Variants in NPAS3 observed in about 807,000 individuals in gnomAD.
NPAS3 encodes the protein neuronal PAS domain-containing protein 3.
NPAS3 carries 14 observed loss-of-function variants against 73.1 expected under a neutral mutation model. The observed-to-expected ratio is 0.19, with a 90% CI of 0.13 to 0.30. The LOEUF (loss-of-function observed/expected upper bound fraction) is 0.30. Among genes scored for constraint, NPAS3 ranks in the 10% least tolerant of loss-of-function variants. The pLI is 1.00. For missense variants in NPAS3, 1,096 were observed against 1,250.0 expected (o/e 0.88, Z 1.86); for synonymous variants, 620 against 541.5 (o/e 1.14, Z -2.01).
intron 4 of NPAS3, among the ~76,000 whole-genome samples, chr14:33,383,150 C>G (rs1315659): frequency 1 from 150,571 of 151,198 alleles, 74,981 homozygotes; most frequent in Middle Eastern, 1. Flanking sequence ...CCCATGTGTG[C>G]TTTTTTGTGA....
chr14:32,995,593 G>A (rs1046503722), intron 1 of NPAS3, among the ~76,000 whole-genome samples: 11 of 152,306 alleles, frequency 7.2e-5, no homozygotes, highest in African/African-American at 2.6e-4. Context: ...AAACATGGGG[G>A]CAGGTCTTTG....
intron 3 of NPAS3, among the ~76,000 whole-genome samples, chr14:33,318,348 G>A (rs1026571253): frequency 6.6e-6 from 1 of 152,068 alleles, no homozygotes; most frequent in Non-Finnish European, 1.5e-5. Flanking sequence ...AGGGTAGCGA[G>A]GAATGGGGAA....
At chr14:33,737,624 T>G (rs2061555409) in intron 7 of NPAS3, among the ~76,000 whole-genome samples, 1 of 152,158 alleles carries the variant, frequency 6.6e-6, no homozygotes, top group Non-Finnish European at 1.5e-5. Context: ...CAGATCCAGC[T>G]CTTCCTCTCC....
chr14:33,344,927 G>GC (rs1231479998), intron 3 of NPAS3, among the ~76,000 whole-genome samples: 1 of 152,110 alleles, frequency 6.6e-6, no homozygotes, highest in Non-Finnish European at 1.5e-5. Flanking sequence ...ATGTCACCCT[G>GC]CCTCCCATTC....
At position 33,147,523 on chromosome 14, in the gene NPAS3, G is replaced by GTT. The variant is rs571681557; in HGVS notation, c.141-67657_141-67656dup. Among the ~76,000 whole-genome samples, 9 of 151,100 alleles carry GTT rather than the reference G, an allele frequency of 6.0e-5. No homozygotes were observed. The South Asian group carries it at 1.9e-3, about 32-fold the overall frequency. On this transcript the variant is annotated intron_variant, in intron 2 of 11. Coordinates refer to ENST00000356141, the Ensembl canonical transcript of NPAS3. ...TCTTATGTTTAGTTAAGATCAAGAA[G>GTT]TTTGGATTAGTGCCGCACTTGGACA...
chr14:33,149,859 A>G (rs545563404), intron 2 of NPAS3, among the ~76,000 whole-genome samples: 18 of 152,146 alleles, frequency 1.2e-4, no homozygotes, highest in Non-Finnish European at 2.4e-4. Flanking sequence ...ATAGGTATAC[A>G]CATGCCATGG....
chr14:33,529,472 G>T (rs1293539573), intron 4 of NPAS3, among the ~76,000 whole-genome samples: 7 of 151,984 alleles, frequency 4.6e-5, no homozygotes, highest in African/African-American at 1.7e-4. Context: ...CATTAAGTAG[G>T]GCAGACTGAA....
At chr14:33,139,484 G>C (rs368081846) in intron 2 of NPAS3, among the ~76,000 whole-genome samples, 1 of 152,152 alleles carries the variant, frequency 6.6e-6, no homozygotes, top group Admixed American at 6.5e-5. Context: ...GAGTGTATTG[G>C]TGGTTGGGTG....
chr14:33,608,727 T>G (rs763870486), intron 5 of NPAS3: 1 of 152,194 alleles, frequency 6.6e-6, no homozygotes, highest in Non-Finnish European at 1.5e-5. Flanking sequence ...GTTGGACAGA[T>G]TATTTCATCA....
chr14:33,442,453 G>A (rs1404367839), intron 4 of NPAS3, among the ~76,000 whole-genome samples: 1 of 152,088 alleles, frequency 6.6e-6, no homozygotes, highest in Non-Finnish European at 1.5e-5. Flanking sequence ...TAAGCCAGGT[G>A]ATACGGTTTG....
intron 1 of NPAS3, among the ~76,000 whole-genome samples, chr14:33,024,425 C>T (rs372818461): frequency 6.6e-6 from 1 of 152,112 alleles, no homozygotes. Flanking sequence ...CTGCCTCGGC[C>T]TCCCAAAGTG....
At chr14:33,197,876 G>A (rs1415694863) in intron 2 of NPAS3, among the ~76,000 whole-genome samples, 2 of 152,202 alleles carry the variant, frequency 1.3e-5, no homozygotes, top group African/African-American at 2.4e-5. Context: ...GAACGAAGCC[G>A]CGGACCCTCG....
intron 4 of NPAS3, among the ~76,000 whole-genome samples, chr14:33,452,888 C>T (rs1023060941): frequency 6.6e-6 from 1 of 151,188 alleles, no homozygotes; most frequent in African/African-American, 2.4e-5. Context: ...TATATGTATT[C>T]CTATTCAAGT....
At chr14:33,130,096 A>C (rs2139099105) in intron 2 of NPAS3, among the ~76,000 whole-genome samples, 1 of 152,306 alleles carries the variant, frequency 6.6e-6, no homozygotes, top group African/African-American at 2.4e-5. Flanking sequence ...TTTCTGGTAT[A>C]GCAATTATAA....
intron 2 of NPAS3, among the ~76,000 whole-genome samples, chr14:33,199,014 C>T (rs12589536): frequency 0.21 from 32,059 of 152,012 alleles, 3,798 homozygotes; most frequent in South Asian, 0.38. Context: ...CCGGCGGTGC[C>T]GGCCTGCTGG....
intron 7 of NPAS3, among the ~76,000 whole-genome samples, chr14:33,773,473 AT>A (rs1217571083): frequency 6.6e-6 from 1 of 152,050 alleles, no homozygotes. Context: ...AATCCTGCCT[AT>A]TTTTTACCCT....
intron 11 of NPAS3, among the ~76,000 whole-genome samples, chr14:33,799,060 G>C (rs893051125): frequency 6.6e-6 from 1 of 151,898 alleles, no homozygotes; most frequent in African/African-American, 2.4e-5. Flanking sequence ...CAGAAGGATC[G>C]TTTGAGCCGG....
intron 4 of NPAS3, among the ~76,000 whole-genome samples, chr14:33,393,821 A>G (rs914702665): frequency 2.0e-5 from 3 of 152,172 alleles, no homozygotes; most frequent in African/African-American, 7.2e-5. Context: ...TTAGCTGTGT[A>G]CTGCTATCAA....
intron 4 of NPAS3, among the ~76,000 whole-genome samples, chr14:33,435,217 T>A (rs929730700): frequency 1.4e-4 from 21 of 152,292 alleles, no homozygotes; most frequent in African/African-American, 4.8e-4. Context: ...GTGGAAAATT[T>A]AGAGAGAAAG....
Sources: gnomAD v4.1 joint callset for allele counts (sites outside exome capture counted in the v4.1 genomes callset) on GRCh38, gnomAD v4.1.1 for gene constraint, MANE v1.5 for transcripts, NCBI Gene and HGNC (gene_info 2026-07-23, HGNC 2026-07-21) for gene names.